The following SEMA3A variants were observed in gnomAD, a reference collection of about 807,000 sequenced individuals.
SEMA3A encodes the protein semaphorin-3A.
Under a neutral mutation model 97.9 loss-of-function variants are expected in SEMA3A, and 29 were observed. That is an observed-to-expected ratio of 0.30 (90% CI 0.22 to 0.40). The LOEUF (loss-of-function observed/expected upper bound fraction) is 0.40, where lower values mean the gene tolerates loss of function less well. Ranked by LOEUF, SEMA3A falls within the 10% of genes least tolerant of loss-of-function variation. The probability of loss-of-function intolerance (pLI) is 1.00; values close to 1 mark genes in which losing one functional copy is unlikely to be tolerated. For synonymous variants in SEMA3A, 321 were observed against 323.7 expected, an observed-to-expected ratio of 0.99 and a Z score of 0.09; for missense variants, 763 against 951.3, an observed-to-expected ratio of 0.80 and a Z score of 2.60.
At chr7:84,074,066 TAC>T (rs1793850915) in intron 4 of SEMA3A, among the ~76,000 whole-genome samples, 1 of 152,122 alleles carries the variant, frequency 6.6e-6, no homozygotes, top group African/African-American at 2.4e-5. Context: ...TCTAAATAAA[TAC>T]AGAGATTATC....
At chr7:84,205,962 T>A (rs1464110474) in intron 3 of SEMA3A, among the ~76,000 whole-genome samples, 1 of 152,176 alleles carries the variant, frequency 6.6e-6, no homozygotes, top group Non-Finnish European at 1.5e-5. Flanking sequence ...AACTTAGGCT[T>A]CAGTCTACTT....
At chr7:84,279,884 A>C (rs1015177260) in intron 3 of SEMA3A, among the ~76,000 whole-genome samples, 1 of 152,042 alleles carries the variant, frequency 6.6e-6, no homozygotes, top group African/African-American at 2.4e-5. Context: ...ACATATTCAT[A>C]TATTTTTATT....
At chr7:84,283,569 CAAA>C (rs962736013) in intron 3 of SEMA3A, among the ~76,000 whole-genome samples, 1 of 141,048 alleles carries the variant, frequency 7.1e-6, no homozygotes, top group African/African-American at 2.6e-5. Flanking sequence ...TTGCATGTGG[CAAA>C]AAAAAAAGAG....
intron 6 of SEMA3A, among the ~76,000 whole-genome samples, chr7:84,021,947 T>C (rs1244705739): frequency 6.6e-6 from 1 of 151,816 alleles, no homozygotes; most frequent in Admixed American, 6.6e-5. Flanking sequence ...CAAGATATTA[T>C]ACAATGGCAG....
chr7:84,144,219 A>T (rs759507098), intron 1 of SEMA3A, among the ~76,000 whole-genome samples: 2 of 152,106 alleles, frequency 1.3e-5, no homozygotes, highest in African/African-American at 4.8e-5. Flanking sequence ...TAAAGATCAC[A>T]GAGTGTGCTT....
intron 3 of SEMA3A, among the ~76,000 whole-genome samples, chr7:84,284,621 A>G (rs1226078907): frequency 2.0e-5 from 3 of 152,170 alleles, no homozygotes; most frequent in Non-Finnish European, 2.9e-5. Flanking sequence ...CCCTTTCTGT[A>G]AAGAGTATTA....
rs61298477 is a variant in SEMA3A, at chr7:84,445,493, C to CAAAAAAAAAAAAAAAAAAAA, written c.-246+46947_-246+46966dup. On this transcript the variant is annotated intron_variant, in intron 1 of 3. Transcript: ENST00000424555. ...TGGGCGACAGAGTGAGACTCCATCTCAAAAAAAAAAAAAAAAAAAAAAAAA... is the reference window on the plus strand; with the variant it reads ...TGGGCGACAGAGTGAGACTCCATCTCAAAAAAAAAAAAAAAAAAAAAAAAAAAAAAAAAAAAAAAAAAAAA... 2.5e-3 allele frequency among the ~76,000 whole-genome samples: 69 copies of CAAAAAAAAAAAAAAAAAAAA among 27,586 alleles called. 4 individuals are homozygous for CAAAAAAAAAAAAAAAAAAAA. The highest frequency in any genetic ancestry group is 4.1e-3 in the Non-Finnish European group (52 of 12,684). The allele number at this position is 27,586 out of a possible 152,430, so 18.1% of individuals were successfully genotyped here.
At chr7:84,034,063 C>A (rs987142419) in intron 6 of SEMA3A, among the ~76,000 whole-genome samples, 2 of 151,678 alleles carry the variant, frequency 1.3e-5, no homozygotes, top group African/African-American at 4.8e-5. Context: ...AGCTCACTGT[C>A]ACTTTCGCTT....
intron 1 of SEMA3A, among the ~76,000 whole-genome samples, chr7:84,383,954 T>G (rs1803334816): frequency 6.6e-6 from 1 of 152,228 alleles, no homozygotes; most frequent in African/African-American, 2.4e-5. Flanking sequence ...TCCTTTTTCC[T>G]GAGCCTCACA....
At chr7:84,291,069 G>A (rs1800731042) in intron 3 of SEMA3A, among the ~76,000 whole-genome samples, 1 of 151,798 alleles carries the variant, frequency 6.6e-6, no homozygotes, top group Admixed American at 6.6e-5. Context: ...TGTTCCTGCT[G>A]GTATCAAGGA....
At chr7:84,422,079 T>C (rs948257948) in intron 1 of SEMA3A, among the ~76,000 whole-genome samples, 15 of 152,128 alleles carry the variant, frequency 9.9e-5, no homozygotes, top group African/African-American at 3.6e-4. Flanking sequence ...TGTAATACTT[T>C]CACAGTGAAT....
chr7:84,447,840 C>CTAGGGT lies in SEMA3A; in HGVS notation c.-246+44614_-246+44619dup, dbSNP rs549368063. Among the ~76,000 whole-genome samples the CTAGGGT allele has an allele frequency of 6.3e-3, 954 of 152,308 alleles. 7 individuals carry two copies. Among genetic ancestry groups the CTAGGGT allele is most frequent in the Middle Eastern group, 0.02 (6 of 294 alleles). ...CTGCAGGCCTTCAGGAAGCCCAGAC[C>CTAGGGT]TAGGGTTACCCTTTTTGGGGCTCTG... On this transcript the variant is annotated intron_variant, in intron 1 of 3. Transcript: ENST00000424555.
At chr7:84,109,157 A>C (rs1181286801) in intron 4 of SEMA3A, among the ~76,000 whole-genome samples, 1 of 152,120 alleles carries the variant, frequency 6.6e-6, no homozygotes, top group Non-Finnish European at 1.5e-5. Flanking sequence ...AGAGTGACTA[A>C]ATCAGGTGCT....
intron 3 of SEMA3A, among the ~76,000 whole-genome samples, chr7:84,305,284 T>G (rs1190362805): frequency 1.3e-5 from 2 of 150,756 alleles, no homozygotes; most frequent in Non-Finnish European, 3.0e-5. Flanking sequence ...GAAGGTCTGA[T>G]AGTCCCCAAT....
At chr7:84,141,852 C>A (rs1021278682) in intron 1 of SEMA3A, among the ~76,000 whole-genome samples, 1 of 152,148 alleles carries the variant, frequency 6.6e-6, no homozygotes, top group African/African-American at 2.4e-5. Context: ...CATGTCCCTG[C>A]AAAGGACATG....
chr7:83,985,626 A>C, intron 12 of SEMA3A, 149 bp from the exon 13 acceptor site: 1 of 673,724 alleles, frequency 1.5e-6, no homozygotes, highest in East Asian at 2.6e-5. Flanking sequence ...ACACATAAAG[A>C]AACTGCATAG....
At chr7:84,492,087 T>C (rs1243797864) in intron 1 of SEMA3A, among the ~76,000 whole-genome samples, 5 of 152,146 alleles carry the variant, frequency 3.3e-5, no homozygotes, top group South Asian at 2.1e-4. Flanking sequence ...AAGAAGGGTA[T>C]GTGCTTTAAA....
At position 84,134,843 on chromosome 7, in the gene SEMA3A, T is replaced by C. The variant is rs202218845; in HGVS notation, c.221A>G (p.Lys74Arg). Residue 74 changes from lysine (K) to arginine (R), a missense_variant, in exon 2 of 17, where the codon AAG (lysine) becomes AGG (arginine). Physicochemically the swap from Lys to Arg is conservative, Grantham distance 26. This residue lies in a region of SEMA3A where 678 missense variants were observed against 881.3 expected (regional missense o/e 0.77). Coordinates refer to ENST00000265362, the MANE Select transcript of SEMA3A (RefSeq NM_006080.3). ...EERSRLYVGA[K>R]DHIFSFDLVN... ...CAGGTCGAATGAAAATATGTGATCC[T>C]TTGCTCCAACATACAGCCTACTCCG... The C allele has an allele frequency of 1.5e-5, 25 of 1,613,562 alleles. No homozygotes were observed. Among genetic ancestry groups the C allele is most frequent in the Non-Finnish European group, 1.9e-5 (22 of 1,179,792 alleles).
chr7:84,064,381 G>C (rs536105057), intron 4 of SEMA3A, among the ~76,000 whole-genome samples: 3,033 of 152,084 alleles, frequency 0.02, 28 homozygotes, highest in Middle Eastern at 0.041. Context: ...AAATAACCAG[G>C]TAACATCATA....
Sources: gnomAD v4.1 joint callset for allele counts (sites outside exome capture counted in the v4.1 genomes callset) on GRCh38, gnomAD v4.1.1 for gene constraint, gnomAD v4.1.1 regional missense constraint, MANE v1.5 for transcripts, NCBI Gene and HGNC (gene_info 2026-07-23, HGNC 2026-07-21) for gene names.